PSME4: variants seen among roughly 807,000 people sequenced by gnomAD.
PSME4 encodes the protein proteasome activator complex subunit 4.
In PSME4, 89 loss-of-function variants were observed where a neutral mutation model predicts 253.9. That is an observed-to-expected ratio of 0.35 (90% CI 0.30 to 0.42). The LOEUF is 0.42. Among genes scored for constraint, PSME4 ranks in the 10% least tolerant of loss-of-function variants. The pLI is 1.00. For missense variants in PSME4, 2,014 were observed against 2,195.2 expected (o/e 0.92, Z 1.65); for synonymous variants, 851 against 759.2 (o/e 1.12, Z -1.99).
At position 53,864,551 on chromosome 2, in the gene PSME4, C is replaced by A. The variant is rs698855; in HGVS notation, c.*1027G>T. On this transcript the variant is annotated 3_prime_UTR_variant, in exon 47 of 47. Transcript: ENST00000404125. ...AAAATCACTATAATAAAGAACTACA[C>A]GTGAATCTTTACAAATTACACAATG... 1 of 152,334 alleles carries A rather than the reference C, an allele frequency of 6.6e-6. No individual in the cohort carries two copies. The highest frequency in any genetic ancestry group is 6.6e-5 in the Admixed American group (1 of 15,258). The allele number at this position is 152,334 out of a possible 1,614,324, so 9.4% of individuals were successfully genotyped here. A position where few individuals can be genotyped will look rare whatever the true frequency, so the allele number is the denominator to read the frequency against.
chr2:53,884,567 T>C (rs1679552616), intron 41 of PSME4, among the ~76,000 whole-genome samples: 1 of 152,210 alleles, frequency 6.6e-6, no homozygotes, highest in African/African-American at 2.4e-5. Flanking sequence ...TGGATTCAAA[T>C]CATCCTTCTA....
At chr2:53,944,229 G>A (rs1669595606) in intron 3 of PSME4, among the ~76,000 whole-genome samples, 1 of 152,072 alleles carries the variant, frequency 6.6e-6, no homozygotes, top group African/African-American at 2.4e-5. Context: ...GATGATCTTG[G>A]CTCATTGCAG....
intron 35 of PSME4, 146 bp downstream of exon 35, chr2:53,893,528 A>G: frequency 2.1e-6 from 3 of 1,442,760 alleles, no homozygotes; most frequent in South Asian, 1.3e-5. Flanking sequence ...AACGACAACA[A>G]AAGTCTGTAC....
chr2:53,932,546 T>G, intron 9 of PSME4, 122 bp downstream of exon 9: 1 of 777,074 alleles, frequency 1.3e-6, no homozygotes, highest in Admixed American at 2.3e-5. Context: ...ATGTAAGCAT[T>G]TACATATAGC....
intron 3 of PSME4, among the ~76,000 whole-genome samples, chr2:53,947,320 T>G (rs541387880): frequency 2.0e-5 from 3 of 152,242 alleles, no homozygotes; most frequent in African/African-American, 7.2e-5. Flanking sequence ...TGCCTAAGAC[T>G]GAGAGAGAAA....
chr2:53,870,693 T>A (rs1678833793), intron 43 of PSME4: 1 of 152,166 alleles, frequency 6.6e-6, no homozygotes, highest in Non-Finnish European at 1.5e-5. Context: ...TTTATTTTCA[T>A]AAATACTGAC....
Position 53,865,094 on chromosome 2 carries a change from C to T in PSME4, c.*484G>A. On this transcript the variant is annotated 3_prime_UTR_variant, in exon 47 of 47. Transcript: ENST00000404125. Reference sequence around the variant, plus strand: ...CCCTCTTTTCCTTCCCTCTTCATGGCTCTCCAGACCCAAGGTTCTCAAGGC... The same window carrying T: ...CCCTCTTTTCCTTCCCTCTTCATGGTTCTCCAGACCCAAGGTTCTCAAGGC... 1 of 152,640 alleles carries T rather than the reference C, an allele frequency of 6.6e-6. No individual in the cohort carries two copies. The highest frequency in any genetic ancestry group is 1.9e-4 in the East Asian group (1 of 5,196). 9.5% of individuals were successfully genotyped at this position (152,640 alleles called of 1,614,324 possible).
In PSME4 at chr2:53,970,648, G is replaced by T. The variant is rs1671027672; in HGVS notation, c.137C>A (p.Ala46Asp). 6 of 1,550,032 alleles carry T rather than the reference G, an allele frequency of 3.9e-6. No individual in the cohort carries two copies. Among genetic ancestry groups the T allele is most frequent in the Non-Finnish European group, 4.4e-6 (5 of 1,146,948 alleles). The stretch of plus-strand genomic sequence containing the variant: ...CTGGGCCAGCTGCAAGTCGGACTCG[G>T]CGTCTAGCCGCTCCGCGTAGGGCAG... The part of the protein sequence containing the change: ...KLLPYAERLD[A>D]ESDLQLAQIK... The change falls in exon 1 of 47, where the codon GCC becomes GAC. Residue 46 changes from alanine (A) to aspartate (D), a missense_variant. Transcript: ENST00000404125.
chr2:53,935,995 G>A, intron 7 of PSME4, 92 bp downstream of exon 7: 1 of 1,481,324 alleles, frequency 6.8e-7, no homozygotes, highest in Non-Finnish European at 9.0e-7. Context: ...CTGGGTTCAA[G>A]AGATTCTCCT....
In PSME4 at chr2:53,940,994, T is replaced by C. The variant is rs937045132; in HGVS notation, c.501-994A>G. Among the ~76,000 whole-genome samples, 11 of 93,534 alleles carry C rather than the reference T, an allele frequency of 1.2e-4. No homozygotes were observed. In the East Asian group the frequency reaches 2.5e-3, roughly 21 times the overall value. 61.4% of individuals were successfully genotyped at this position (93,534 alleles called of 152,430 possible). A position where few individuals can be genotyped will look rare whatever the true frequency, so the allele number is the denominator to read the frequency against. ...ATATATATATATATATATATATATATATATATGAAAGGAGTAAGTTTCAGG... is the reference window on the plus strand; with the variant it reads ...ATATATATATATATATATATATATACATATATGAAAGGAGTAAGTTTCAGG... On this transcript the variant is annotated intron_variant, in intron 3 of 46. Coordinates refer to ENST00000404125, the MANE Select transcript of PSME4 (RefSeq NM_014614.3).
intron 25 of PSME4, 51 bp downstream of exon 25, chr2:53,906,755 T>C (rs1169773019): frequency 6.2e-6 from 10 of 1,600,070 alleles, no homozygotes; most frequent in Non-Finnish European, 8.5e-6. Context: ...TAAATACTCA[T>C]CTGGAAAATT....
At position 53,895,565 on chromosome 2, in the gene PSME4, G is replaced by A. The variant is rs375147584; in HGVS notation, c.3842+18C>T. Reference sequence around the variant, plus strand: ...TATCAAAGGCATTTAATGATAAGGTGCACAGTAAGTTACTTACTTTGGCCA... The same window carrying A: ...TATCAAAGGCATTTAATGATAAGGTACACAGTAAGTTACTTACTTTGGCCA... On this transcript the variant is annotated intron_variant, in intron 33 of 46. Coordinates refer to ENST00000404125, the MANE Select transcript of PSME4 (RefSeq NM_014614.3). 3.0e-5 allele frequency: 48 copies of A among 1,596,596 alleles called. No individual in the cohort carries two copies. The African/African-American group carries it at 6.3e-4, about 21-fold the overall frequency.
chr2:53,894,144 C>G (rs1470475536), intron 34 of PSME4, among the ~76,000 whole-genome samples: 3 of 152,216 alleles, frequency 2.0e-5, no homozygotes, highest in Non-Finnish European at 2.9e-5. Context: ...CAAGCCCCAA[C>G]AAATCACTTC....
intron 20 of PSME4, among the ~76,000 whole-genome samples, chr2:53,915,482 A>T (rs1668017495): frequency 6.6e-6 from 1 of 151,946 alleles, no homozygotes; most frequent in South Asian, 2.1e-4. Context: ...CTGTAATCCT[A>T]GCACTTTGGG....
At chr2:53,932,127 A>C in intron 9 of PSME4, 27 bp from the exon 10 acceptor site, 1 of 1,603,320 alleles carries the variant, frequency 6.2e-7, no homozygotes, top group South Asian at 1.1e-5. Context: ...AAAAAGTTCT[A>C]AGTAGGTTCT....
chr2:53,962,571 T>C lies in PSME4; in HGVS notation c.242+7972A>G, dbSNP rs554437386. On this transcript the variant is annotated intron_variant, in intron 1 of 46. Transcript: ENST00000404125. ...ATTTCTTTTTTCTAACTGCCTTTCT[T>C]AGTGCCTCAAAGTAAGGCATTAAAA... Among the ~76,000 whole-genome samples, 3 of 152,338 alleles carry C rather than the reference T, an allele frequency of 2.0e-5. No homozygotes were observed. In the South Asian group the frequency reaches 6.2e-4, roughly 32 times the overall value.
chr2:53,866,294 G>C, intron 45 of PSME4, 71 bp from the exon 46 acceptor site: 1 of 1,513,224 alleles, frequency 6.6e-7, no homozygotes, highest in East Asian at 2.3e-5. Flanking sequence ...GATACTTTTA[G>C]TTAAATTACC....
At chr2:53,939,526 G>A (rs78201658) in intron 4 of PSME4, among the ~76,000 whole-genome samples, 8,641 of 152,106 alleles carry the variant, frequency 0.057, 471 homozygotes, top group East Asian at 0.29. Context: ...AGGGGTTCAA[G>A]ACCAGCCCGG....
intron 43 of PSME4, chr2:53,870,056 G>A (rs1287622077): frequency 1.3e-5 from 2 of 152,154 alleles, no homozygotes; most frequent in South Asian, 2.1e-4. Flanking sequence ...TAAATGAAGC[G>A]TGTACACAGT....
Sources: allele counts gnomAD v4.1 joint callset (sites outside exome capture counted in the v4.1 genomes callset), GRCh38; gene constraint gnomAD v4.1.1; transcripts MANE v1.5; gene names NCBI Gene and HGNC (gene_info 2026-07-23, HGNC 2026-07-21).